Variants in CD109 observed in about 807,000 individuals in gnomAD.
CD109 encodes the protein CD109 antigen.
A neutral mutation model predicts 165.8 loss-of-function variants in CD109; 149 were observed. That is an observed-to-expected ratio of 0.90 (90% confidence interval 0.79 to 1.03). The LOEUF is 1.03. CD109 is among the 50% of genes least tolerant of loss of function. CD109 has a pLI of 0.00. For synonymous variants in CD109, 585 were observed against 592.1 expected, an observed-to-expected ratio of 0.99 and a Z score of 0.18; for missense variants, 1,712 against 1,677.8, an observed-to-expected ratio of 1.02 and a Z score of -0.36.
At chr6:73,682,002 C>T in the CD109 span, among the ~76,000 whole-genome samples, 1 of 152,050 alleles carries the variant, frequency 6.6e-6, no homozygotes, top group African/African-American at 2.4e-5. Flanking sequence ...CAATTACCTC[C>T]TACCAGGACT....
intron 31 of CD109, among the ~76,000 whole-genome samples, chr6:73,820,038 C>T (rs1233004271): frequency 6.6e-6 from 1 of 152,158 alleles, no homozygotes; most frequent in African/African-American, 2.4e-5. Context: ...CAGTCATTGG[C>T]TGTGGAGTAC....
At chr6:73,802,305 A>ATATATTTTT (rs1554183463) in intron 23 of CD109, among the ~76,000 whole-genome samples, 10 of 47,608 alleles carry the variant, frequency 2.1e-4, no homozygotes, top group African/African-American at 5.1e-4. Context: ...ATATATATAT[A>ATATATTTTT]TTTTTTTTTT....
the CD109 span, among the ~76,000 whole-genome samples, chr6:73,679,645 G>GT: frequency 2.7e-4 from 41 of 149,356 alleles, no homozygotes; most frequent in East Asian, 7.9e-4. Flanking sequence ...TTTGTTTTTT[G>GT]TTTTTTTTGA....
intron 2 of CD109, among the ~76,000 whole-genome samples, chr6:73,700,448 G>T (rs1771023322): frequency 6.6e-6 from 1 of 152,054 alleles, no homozygotes; most frequent in African/African-American, 2.4e-5. Flanking sequence ...TTATCTTCTA[G>T]TAAAGTTGGG....
At chr6:73,714,897 A>C (rs1771667737) in intron 2 of CD109, among the ~76,000 whole-genome samples, 1 of 152,230 alleles carries the variant, frequency 6.6e-6, no homozygotes, top group Non-Finnish European at 1.5e-5. Flanking sequence ...TGATAGCAAC[A>C]TATACAAACA....
chr6:73,695,904 C>G, upstream of CD109: 1 of 389,504 alleles, frequency 2.6e-6, no homozygotes, highest in South Asian at 2.3e-5. Context: ...TGGGCGCGCT[C>G]TGTTCTCCGC....
At chr6:73,781,049 CGT>C (rs1004994739) in intron 16 of CD109, among the ~76,000 whole-genome samples, 8 of 145,638 alleles carry the variant, frequency 5.5e-5, no homozygotes, top group African/African-American at 1.8e-4. Flanking sequence ...TGGGCATGTG[CGT>C]GTGTGTGTTT....
At chr6:73,767,991 G>T (rs1411067553) in intron 13 of CD109, 64 bp from the exon 14 acceptor site, 46 of 1,315,572 alleles carry the variant, frequency 3.5e-5, no homozygotes, top group Non-Finnish European at 4.8e-5. Flanking sequence ...TATGATTAAT[G>T]TAGCTTCAGA....
At position 73,762,434 on chromosome 6, in the gene CD109, C is replaced by T. The variant is rs867241514; in HGVS notation, c.809C>T (p.Pro270Leu). 1 of 1,612,250 alleles carries T rather than the reference C, an allele frequency of 6.2e-7. No homozygotes were observed. Among genetic ancestry groups the T allele is most frequent in the Non-Finnish European group, 8.5e-7 (1 of 1,178,598 alleles). The change falls in exon 8 of 33, where the codon CCT becomes CTT. Residue 270 changes from proline (P) to leucine (L), a missense_variant. By Grantham distance (98) the Pro-to-Leu change is moderately conservative. Coordinates refer to ENST00000287097, the MANE Select transcript of CD109 (RefSeq NM_133493.5). ...VKGDVTLTFL[P>L]LSFWGKKKNI... ...GGAGACGTAACGCTTACATTTTTACCTTTATCCTTTTGGGGAAAGAAGAAA... is the reference window on the plus strand; with the variant it reads ...GGAGACGTAACGCTTACATTTTTACTTTTATCCTTTTGGGGAAAGAAGAAA...
At chr6:73,776,063 G>A (rs1198432691) in intron 15 of CD109, among the ~76,000 whole-genome samples, 2 of 152,146 alleles carry the variant, frequency 1.3e-5, no homozygotes, top group African/African-American at 4.8e-5. Flanking sequence ...TTGAAATGGT[G>A]TTTCTGTCTT....
At chr6:73,820,414 G>A (rs1180404074) in intron 31 of CD109, 47 bp from the exon 32 acceptor site, 1 of 1,013,592 alleles carries the variant, frequency 9.9e-7, no homozygotes, top group East Asian at 2.4e-5. Context: ...ACTTAATCAT[G>A]AACACACAGT....
chr6:73,763,512 G>T, intron 9 of CD109, 64 bp from the exon 10 acceptor site: 1 of 885,608 alleles, frequency 1.1e-6, no homozygotes, highest in Non-Finnish European at 1.8e-6. Flanking sequence ...GGAGAGATTT[G>T]GTGGATAGAA....
At chr6:73,795,074 G>A in intron 23 of CD109, among the ~76,000 whole-genome samples, 1 of 133,196 alleles carries the variant, frequency 7.5e-6, no homozygotes, top group East Asian at 2.2e-4. Flanking sequence ...TGTCATGAAT[G>A]AACGTTGTAC....
chr6:73,733,886 G>C (rs1339844572), intron 4 of CD109, among the ~76,000 whole-genome samples: 2 of 151,726 alleles, frequency 1.3e-5, no homozygotes, highest in Non-Finnish European at 2.9e-5. Context: ...GGAGCTTACT[G>C]CTTGAGACAA....
intron 2 of CD109, among the ~76,000 whole-genome samples, chr6:73,715,138 T>C (rs1430048915): frequency 6.6e-6 from 1 of 152,154 alleles, no homozygotes; most frequent in Non-Finnish European, 1.5e-5. Flanking sequence ...TGCTTGCCTG[T>C]AGTCCCAGCT....
intron 24 of CD109, among the ~76,000 whole-genome samples, chr6:73,804,889 A>G (rs561123671): frequency 6.6e-6 from 1 of 152,358 alleles, no homozygotes; most frequent in South Asian, 2.1e-4. Context: ...TTCAACAGAC[A>G]CATTAAAAAA....
intron 31 of CD109, among the ~76,000 whole-genome samples, chr6:73,818,831 C>G (rs1407704405): frequency 6.6e-6 from 1 of 152,110 alleles, no homozygotes; most frequent in Non-Finnish European, 1.5e-5. Context: ...AAAAATTCAA[C>G]CCAGATCTGA....
chr6:73,699,115 G>C (rs1175230695), intron 2 of CD109, among the ~76,000 whole-genome samples: 1 of 152,118 alleles, frequency 6.6e-6, no homozygotes, highest in Non-Finnish European at 1.5e-5. Flanking sequence ...AATGACCCCT[G>C]ATCTTATGAT....
In CD109 at chr6:73,697,327, A is replaced by G. The variant is rs1158076096; in HGVS notation, c.75-73A>G. On this transcript the variant is annotated intron_variant, in intron 1 of 32. Transcript: ENST00000287097. ...GTATGGAGTGCCTATCGCACTAGGA[A>G]ATCTGAGGGTCACAAAAGAAAGGAG... 3.5e-6 allele frequency: 5 copies of G among 1,435,176 alleles called. No homozygotes were observed. In the East Asian group the frequency reaches 9.1e-5, roughly 26 times the overall value. 88.9% of individuals were successfully genotyped at this position (1,435,176 alleles called of 1,614,324 possible).
Sources: allele counts gnomAD v4.1 joint callset (sites outside exome capture counted in the v4.1 genomes callset), GRCh38; gene constraint gnomAD v4.1.1; transcripts MANE v1.5; gene names NCBI Gene and HGNC (gene_info 2026-07-23, HGNC 2026-07-21).